The following GRK2 variants were observed in gnomAD, a reference collection of about 807,000 sequenced individuals.
GRK2 encodes the protein adrenergic beta receptor kinase 1.
GRK2 carries 23 observed loss-of-function variants against 97.8 expected under a neutral mutation model. The observed-to-expected ratio is 0.24, with a 90% CI of 0.17 to 0.33. The LOEUF (loss-of-function observed/expected upper bound fraction) is 0.33, where lower values mean the gene tolerates loss of function less well. GRK2 is among the 10% of genes least tolerant of loss of function. GRK2 has a pLI of 1.00. For missense variants in GRK2, 633 were observed against 956.9 expected, an observed-to-expected ratio of 0.66 and a Z score of 4.47; for synonymous variants, 425 against 381.7, an observed-to-expected ratio of 1.11 and a Z score of -1.32.
At chr11:67,283,438 A>AG (rs1475087553) in intron 15 of GRK2, 1 of 612,346 alleles carries the variant, frequency 1.6e-6, no homozygotes, top group African/African-American at 1.8e-5. Context: ...TGGCTTCCAG[A>AG]GGGGCCCTTG....
At chr11:67,275,211 G>A (rs1860003426) in intron 1 of GRK2, among the ~76,000 whole-genome samples, 1 of 152,182 alleles carries the variant, frequency 6.6e-6, no homozygotes, top group African/African-American at 2.4e-5. Flanking sequence ...ATCAGGGGCC[G>A]AGGCCCGGGA....
chr11:67,273,173 G>A (rs1029115076), intron 1 of GRK2, among the ~76,000 whole-genome samples: 3 of 152,240 alleles, frequency 2.0e-5, no homozygotes, highest in African/African-American at 7.2e-5. Flanking sequence ...GACATTTCAA[G>A]TTTGTGACCA....
intron 17 of GRK2, 56 bp downstream of exon 17, chr11:67,284,005 G>T: frequency 6.6e-7 from 1 of 1,503,770 alleles, no homozygotes; most frequent in Non-Finnish European, 9.1e-7. Flanking sequence ...CCTGGGGAAG[G>T]ATCCCTCTCC....
chr11:67,284,703 C>T, intron 18 of GRK2, 144 bp from the exon 19 acceptor site: 1 of 1,114,322 alleles, frequency 9.0e-7, no homozygotes, highest in Non-Finnish European at 1.3e-6. Flanking sequence ...GCGGGAGGAT[C>T]GTTTGAACCT....
chr11:67,273,728 G>A (rs1859960818), intron 1 of GRK2, among the ~76,000 whole-genome samples: 1 of 152,166 alleles, frequency 6.6e-6, no homozygotes, highest in Non-Finnish European at 1.5e-5. Flanking sequence ...GAAGAAAGTG[G>A]AGTGCTGTGG....
Position 67,283,862 on chromosome 11 carries a change from C to G in GRK2, c.1404C>G (p.Pro468=), listed in dbSNP as rs1384967643. 1 of 1,613,066 alleles carries G rather than the reference C, an allele frequency of 6.2e-7. No homozygotes were observed. The highest frequency in any genetic ancestry group is 1.7e-5 in the Admixed American group (1 of 60,008). Residue 468 remains proline (P), a synonymous_variant, in exon 17 of 21, where the codon CCC becomes CCG. Coordinates refer to ENST00000308595, the MANE Select transcript of GRK2 (RefSeq NM_001619.5). The stretch of plus-strand genomic sequence containing the variant: ...CCCCTGTTCTGCTGCAGTACCCTCC[C>G]CCGCTGATCCCCCCACGAGGGGAGG... ...WQMVFLQKYP[P]PLIPPRGEVN...
chr11:67,281,741 C>T lies in GRK2; in HGVS notation c.826+13C>T, dbSNP rs373462879. 315 of 1,613,076 alleles carry T rather than the reference C, an allele frequency of 2.0e-4. No homozygotes were observed. The highest frequency in any genetic ancestry group is 6.2e-4 in the Admixed American group (37 of 59,970). ...GACCTCATGAACGGTGAGTGCTGGC[C>T]GGGCCCTAGGGTGGGCCGGGCCCAG... is the stretch of plus-strand genomic sequence containing the variant. On this transcript the variant is annotated intron_variant, in intron 10 of 20. Transcript: ENST00000308595. This position sits in a 1 kb window ranked among gnomAD's most constrained non-coding sequence, Gnocchi z 5.7.
chr11:67,273,216 G>A (rs1192473075), intron 1 of GRK2, among the ~76,000 whole-genome samples: 19 of 152,364 alleles, frequency 1.2e-4, no homozygotes, highest in Middle Eastern at 3.4e-3. Flanking sequence ...CCAGGCACCC[G>A]TCCAACGGCC....
At chr11:67,268,476 A>G (rs1435289861) in intron 1 of GRK2, among the ~76,000 whole-genome samples, 3 of 152,170 alleles carry the variant, frequency 2.0e-5, no homozygotes, top group African/African-American at 7.2e-5. Context: ...AGAAATGACA[A>G]ACCCACGAGG....
intron 1 of GRK2, among the ~76,000 whole-genome samples, chr11:67,273,346 C>G (rs1040339767): frequency 6.6e-6 from 1 of 152,206 alleles, no homozygotes; most frequent in Admixed American, 6.5e-5. Flanking sequence ...TTGGGAGCCA[C>G]GTTCCCCCGG....
Position 67,281,759 on chromosome 11 carries a change from G to C in GRK2, c.826+31G>C, listed in dbSNP as rs200171288. 6.8e-6 allele frequency: 11 copies of C among 1,613,342 alleles called. No homozygotes were observed. Among genetic ancestry groups the C allele is most frequent in the East Asian group, 4.5e-5 (2 of 44,882 alleles). On this transcript the variant is annotated intron_variant, in intron 10 of 20. Transcript: ENST00000308595. The surrounding 1 kb of genome is among the most constrained non-coding windows in gnomAD (Gnocchi z 5.7). ...TGCTGGCCGGGCCCTAGGGTGGGCCGGGCCCAGGCACGGGAGGCTGGGGCA... is the reference window on the plus strand; with the variant it reads ...TGCTGGCCGGGCCCTAGGGTGGGCCCGGCCCAGGCACGGGAGGCTGGGGCA...
At chr11:67,268,327 T>C (rs1180260517) in intron 1 of GRK2, among the ~76,000 whole-genome samples, 1 of 152,206 alleles carries the variant, frequency 6.6e-6, no homozygotes, top group Non-Finnish European at 1.5e-5. Flanking sequence ...AGAGGAAAAT[T>C]GGTCTGCATT....
At chr11:67,268,173 C>G (rs1859836497) in intron 1 of GRK2, among the ~76,000 whole-genome samples, 1 of 152,198 alleles carries the variant, frequency 6.6e-6, no homozygotes, top group Non-Finnish European at 1.5e-5. Flanking sequence ...AGAGCTGTGA[C>G]TCTGCGGTGT....
At position 67,282,408 on chromosome 11, in the gene GRK2, C is replaced by G; in HGVS notation, c.1053-27C>G. On this transcript the variant is annotated intron_variant, in intron 12 of 20. Coordinates refer to ENST00000308595, the MANE Select transcript of GRK2 (RefSeq NM_001619.5). The surrounding 1 kb of genome is among the most constrained non-coding windows in gnomAD (Gnocchi z 6.9). ...TCTCCCTCCCCACCCCTTGCCACTC[C>G]CGCTTATGGCCCCCTTGCTCCCACA... The G allele has an allele frequency of 1.2e-6, 2 of 1,612,640 alleles. No individual in the cohort carries two copies. The highest frequency in any genetic ancestry group is 2.2e-5 in the East Asian group (1 of 44,886).
rs775205899 is a variant in GRK2, at chr11:67,281,417, T to C, written c.648-42T>C. ...GCCCCCTGAGGCAGCCCTGGGCCCC[T>C]GCTCTGAGGGTGGGTGTTGACTGCC... On this transcript the variant is annotated intron_variant, in intron 8 of 20. Transcript: ENST00000308595. The surrounding 1 kb of genome is among the most constrained non-coding windows in gnomAD (Gnocchi z 5.7). 2.3e-5 allele frequency: 36 copies of C among 1,575,888 alleles called. No individual in the cohort carries two copies. Among genetic ancestry groups the C allele is most frequent in the Middle Eastern group, 3.3e-4 (2 of 5,980 alleles).
At chr11:67,274,875 G>A (rs1395716706) in intron 1 of GRK2, among the ~76,000 whole-genome samples, 1 of 152,154 alleles carries the variant, frequency 6.6e-6, no homozygotes, top group African/African-American at 2.4e-5. Flanking sequence ...TGGTGTGGAC[G>A]CGGGGCCCAT....
chr11:67,270,814 G>T (rs998111754), intron 1 of GRK2: 5 of 152,230 alleles, frequency 3.3e-5, no homozygotes, highest in Non-Finnish European at 5.9e-5. Flanking sequence ...CCCGCCTGCC[G>T]TTACCTGGGT....
chr11:67,279,769 G>A (rs1860110586), intron 5 of GRK2, 69 bp downstream of exon 5: 19 of 1,612,400 alleles, frequency 1.2e-5, no homozygotes, highest in Non-Finnish European at 1.6e-5. Flanking sequence ...AGCCTGGTCA[G>A]CCAGGGGTGG....
chr11:67,286,049 C>G lies in GRK2; in HGVS notation c.*599C>G. The G allele has an allele frequency of 3.4e-6, 1 of 291,420 alleles. No homozygotes were observed. Among genetic ancestry groups the G allele is most frequent in the South Asian group, 4.8e-5 (1 of 20,984 alleles). The allele number at this position is 291,420 out of a possible 1,614,324, so 18.1% of individuals were successfully genotyped here. ...ACTTCCCTGACACTGCGGGGCTTGG[C>G]TGAGAGAGTGGCATTGGCAGCAGGT... On this transcript the variant is annotated 3_prime_UTR_variant, in exon 21 of 21. Transcript: ENST00000308595.
Sources: allele counts gnomAD v4.1 joint callset (sites outside exome capture counted in the v4.1 genomes callset), GRCh38; gene constraint gnomAD v4.1.1; non-coding constraint Gnocchi (gnomAD v3.1); transcripts MANE v1.5; gene names NCBI Gene and HGNC (gene_info 2026-07-23, HGNC 2026-07-21).